Variants in FREM2 observed in about 807,000 individuals in gnomAD.
The protein encoded by FREM2 is FRAS1-related extracellular matrix protein 2.
Under a neutral mutation model 219.9 loss-of-function variants are expected in FREM2, and 119 were observed. That is an observed-to-expected ratio of 0.54 (90% CI 0.47 to 0.63). The LOEUF (loss-of-function observed/expected upper bound fraction) is 0.63. Ranked by LOEUF, FREM2 falls within the 30% of genes least tolerant of loss-of-function variation. The probability of loss-of-function intolerance (pLI) is 0.00; values close to 1 mark genes in which losing one functional copy is unlikely to be tolerated. For synonymous variants in FREM2, 1,562 were observed against 1,522.8 expected (o/e 1.03, Z -0.60); for missense variants, 4,030 against 3,993.6 (o/e 1.01, Z -0.25).
rs747262430 is a variant in FREM2, at chr13:38,877,213, G to A, written c.8641G>A (p.Gly2881Arg). ...LWLSDGSMGF[G>R]QESDVAFAEG... The stretch of plus-strand genomic sequence containing the variant: ...GTTGTCTGATGGATCCATGGGATTC[G>A]GGCAAGAGAGTGATGTTGCTTTTGC... Residue 2881 changes from glycine to arginine, a missense_variant, in exon 21 of 24, where the codon GGG (glycine) becomes AGG (arginine). Coordinates refer to ENST00000280481, the MANE Select transcript of FREM2 (RefSeq NM_207361.6). 24 of 1,613,792 alleles carry A rather than the reference G, an allele frequency of 1.5e-5. No individual in the cohort carries two copies. The highest frequency in any genetic ancestry group is 2.2e-5 in the South Asian group (2 of 91,066).
chr13:38,764,254 C>G (rs1641882986), intron 2 of FREM2, 50 bp from the exon 3 acceptor site: 1 of 1,280,058 alleles, frequency 7.8e-7, no homozygotes, highest in African/African-American at 1.5e-5. Flanking sequence ...TTTTGAAGAT[C>G]ACTCATTCAA....
rs1306018261 is a variant in FREM2 at position 38,687,302 on chromosome 13, G to C, written c.-43G>C. 40 of 1,563,768 alleles carry C rather than the reference G, an allele frequency of 2.6e-5. No homozygotes were observed. The highest frequency in any genetic ancestry group is 3.4e-5 in the Non-Finnish European group (39 of 1,154,104). ...TGTTGTCTGCCCGGGGACCGACTTCGCATGCTCTCAGGCTGACCTGTCCAA... is the reference window on the plus strand; with the variant it reads ...TGTTGTCTGCCCGGGGACCGACTTCCCATGCTCTCAGGCTGACCTGTCCAA... On this transcript the variant is annotated 5_prime_UTR_variant, in exon 1 of 24. Transcript: ENST00000280481.
rs906416878 is a variant in FREM2, at chr13:38,886,572, A to C, written c.*5785A>C. ...ACTACCATGCCTGGCTAGTTTTTGT[A>C]TTTTTAGTAGAGACAGGGTTTCTCC... On this transcript the variant is annotated 3_prime_UTR_variant, in exon 24 of 24. Transcript: ENST00000280481. 3 of 152,014 alleles carry C rather than the reference A, an allele frequency of 2.0e-5. No individual in the cohort carries two copies. Among genetic ancestry groups the C allele is most frequent in the Non-Finnish European group, 4.4e-5 (3 of 68,026 alleles). The allele number at this position is 152,014 out of a possible 1,614,324, so 9.4% of individuals were successfully genotyped here.
At chr13:38,719,501 G>GT (rs1418723625) in intron 2 of FREM2, among the ~76,000 whole-genome samples, 1 of 152,040 alleles carries the variant, frequency 6.6e-6, no homozygotes, top group East Asian at 1.9e-4. Context: ...GATTTCAGGC[G>GT]TGAGCCACTG....
At chr13:38,872,197 C>CA (rs749179058) in intron 16 of FREM2, among the ~76,000 whole-genome samples, 8 of 151,958 alleles carry the variant, frequency 5.3e-5, no homozygotes, top group Non-Finnish European at 7.4e-5. Flanking sequence ...AAATCTATCA[C>CA]AAAAAAACAC....
At chr13:38,796,728 CA>C (rs1450010681) in intron 6 of FREM2, among the ~76,000 whole-genome samples, 4 of 152,164 alleles carry the variant, frequency 2.6e-5, no homozygotes, top group African/African-American at 9.6e-5. Context: ...GCAATGAACA[CA>C]CAAGTGCAGG....
At chr13:38,773,443 C>T (rs1438243496) in intron 4 of FREM2, among the ~76,000 whole-genome samples, 2 of 151,940 alleles carry the variant, frequency 1.3e-5, no homozygotes, top group East Asian at 1.9e-4. Context: ...CAGGCTTGAG[C>T]GCAGTGGAGC....
Position 38,876,131 on chromosome 13 carries a change from C to G in FREM2, c.8391C>G (p.Ser2797Arg), listed in dbSNP as rs771043625. ...ATAACCAGCCAGTACAGCAGTGGAGCTTTGTCTCTGACTTTGCCGTAAGTG... is the reference window on the plus strand; with the variant it reads ...ATAACCAGCCAGTACAGCAGTGGAGGTTTGTCTCTGACTTTGCCGTAAGTG... ...PTYNQPVQQW[S>R]FVSDFAVRDY... is the part of the protein sequence containing the mutation. The change falls in exon 19 of 24, where the codon AGC becomes AGG. Residue 2797 changes from serine (S) to arginine (R), a missense_variant. Physicochemically the swap from Ser to Arg is moderately radical, Grantham distance 110. Transcript: ENST00000280481. 3 of 1,614,014 alleles carry G rather than the reference C, an allele frequency of 1.9e-6. No individual in the cohort carries two copies. In the African/African-American group the frequency reaches 4.0e-5, roughly 22 times the overall value.
At chr13:38,710,039 A>G in intron 2 of FREM2, among the ~76,000 whole-genome samples, 1 of 139,290 alleles carries the variant, frequency 7.2e-6, no homozygotes, top group African/African-American at 2.6e-5. Context: ...ACACACACAA[A>G]TTAGCCGGGC....
intron 6 of FREM2, among the ~76,000 whole-genome samples, chr13:38,831,339 A>C (rs1566158410): frequency 6.6e-6 from 1 of 152,096 alleles, no homozygotes; most frequent in Non-Finnish European, 1.5e-5. Context: ...ACTTGTGATG[A>C]CTCTCAAAAA....
At chr13:38,837,116 G>A (rs1876743898) in intron 6 of FREM2, among the ~76,000 whole-genome samples, 1 of 152,104 alleles carries the variant, frequency 6.6e-6, no homozygotes. Flanking sequence ...CTTTATCTGT[G>A]TCCCATAGAT....
chr13:38,798,914 A>G (rs1874900011), intron 6 of FREM2, among the ~76,000 whole-genome samples: 1 of 151,834 alleles, frequency 6.6e-6, no homozygotes, highest in Non-Finnish European at 1.5e-5. Flanking sequence ...TTTTCAGAGA[A>G]CCAACTTTTT....
At chr13:38,828,735 T>A (rs574664201) in intron 6 of FREM2, among the ~76,000 whole-genome samples, 5 of 151,850 alleles carry the variant, frequency 3.3e-5, no homozygotes, top group South Asian at 2.1e-4. Flanking sequence ...TAAATTAATT[T>A]AAAAAAAATT....
At chr13:38,758,241 CACATTGAAT>C (rs1370026376) in intron 2 of FREM2, among the ~76,000 whole-genome samples, 3 of 152,136 alleles carry the variant, frequency 2.0e-5, no homozygotes, top group East Asian at 3.9e-4. Context: ...TAGTGCCTAC[CACATTGAAT>C]TCTTTGAAGT....
At chr13:38,819,202 C>T (rs367925595) in intron 6 of FREM2, among the ~76,000 whole-genome samples, 49 of 152,170 alleles carry the variant, frequency 3.2e-4, no homozygotes, top group African/African-American at 9.6e-4. Flanking sequence ...TGCTGCTGTG[C>T]GCTTGCCTGG....
intron 2 of FREM2, among the ~76,000 whole-genome samples, chr13:38,702,560 A>G: frequency 6.6e-6 from 1 of 152,100 alleles, no homozygotes; most frequent in East Asian, 1.9e-4. Flanking sequence ...TTTAAGTCTC[A>G]AAGCCTCAGC....
chr13:38,755,184 A>T (rs1348265585), intron 2 of FREM2, among the ~76,000 whole-genome samples: 1 of 152,020 alleles, frequency 6.6e-6, no homozygotes, highest in African/African-American at 2.4e-5. Context: ...TACAGGCATG[A>T]GCCACCATGC....
chr13:38,711,216 C>G (rs1311533668), intron 2 of FREM2, among the ~76,000 whole-genome samples: 1 of 152,136 alleles, frequency 6.6e-6, no homozygotes, highest in South Asian at 2.1e-4. Context: ...CCACCAGCTC[C>G]CTTTCCCTTC....
intron 13 of FREM2, among the ~76,000 whole-genome samples, chr13:38,858,827 G>A (rs1877654021): frequency 6.6e-6 from 1 of 152,106 alleles, no homozygotes; most frequent in South Asian, 2.1e-4. Context: ...GGTTAACAGG[G>A]CAGTCGTGTG....
Sources: gnomAD v4.1 joint callset for allele counts (sites outside exome capture counted in the v4.1 genomes callset) on GRCh38, gnomAD v4.1.1 for gene constraint, MANE v1.5 for transcripts, NCBI Gene and HGNC (gene_info 2026-07-23, HGNC 2026-07-21) for gene names.